Variants in GPC6 observed in about 807,000 individuals in gnomAD.
GPC6 encodes the protein glypican-6.
A neutral mutation model predicts 55.2 loss-of-function variants in GPC6; 14 were observed. The observed-to-expected ratio is 0.25, with a 90% CI of 0.17 to 0.40. The LOEUF (loss-of-function observed/expected upper bound fraction) is 0.40. Among genes scored for constraint, GPC6 ranks in the 10% least tolerant of loss-of-function variants. The pLI is 1.00. For missense variants in GPC6, 641 were observed against 708.5 expected (o/e 0.90, Z 1.08); for synonymous variants, 278 against 259.6 (o/e 1.07, Z -0.68).
chr13:93,831,067 G>GAC (rs1284843555), intron 3 of GPC6: 2 of 157,004 alleles, frequency 1.3e-5, no homozygotes, highest in African/African-American at 4.8e-5. Context: ...GCCCTTTGCT[G>GAC]ACACCTGTAT....
At chr13:94,070,984 G>A (rs1884711614) in intron 4 of GPC6, among the ~76,000 whole-genome samples, 1 of 152,194 alleles carries the variant, frequency 6.6e-6, no homozygotes, top group South Asian at 2.1e-4. Flanking sequence ...CCAGAGTGCT[G>A]TGTTGAGAAG....
chr13:93,727,529 A>G (rs1883686459), intron 2 of GPC6, among the ~76,000 whole-genome samples: 1 of 152,074 alleles, frequency 6.6e-6, no homozygotes, highest in African/African-American at 2.4e-5. Flanking sequence ...AGCCATAGTG[A>G]TCTCTTAAAG....
At chr13:94,360,924 C>T (rs1440556077) in intron 6 of GPC6, among the ~76,000 whole-genome samples, 1 of 152,166 alleles carries the variant, frequency 6.6e-6, no homozygotes, top group Non-Finnish European at 1.5e-5. Context: ...CTCTTCACTG[C>T]CTCAGTGTGT....
chr13:93,426,500 TTC>T (rs1877134293), intron 1 of GPC6, among the ~76,000 whole-genome samples: 1 of 150,118 alleles, frequency 6.7e-6, no homozygotes, highest in African/African-American at 2.4e-5. Context: ...GGTTTTTTTG[TTC>T]TTGCGATAGT....
intron 3 of GPC6, among the ~76,000 whole-genome samples, chr13:93,914,806 G>A (rs939525574): frequency 1.3e-5 from 2 of 152,136 alleles, no homozygotes; most frequent in African/African-American, 4.8e-5. Flanking sequence ...CTGAGAGAAT[G>A]TATGAGATTA....
At chr13:94,015,416 A>G (rs922532076) in intron 3 of GPC6, among the ~76,000 whole-genome samples, 4 of 152,178 alleles carry the variant, frequency 2.6e-5, no homozygotes, top group Non-Finnish European at 5.9e-5. Context: ...TATGCTGGAT[A>G]CTAGACTCTT....
At chr13:94,144,015 A>C (rs1343372293) in intron 4 of GPC6, among the ~76,000 whole-genome samples, 1 of 152,230 alleles carries the variant, frequency 6.6e-6, no homozygotes, top group Non-Finnish European at 1.5e-5. Flanking sequence ...CACTGAAGCG[A>C]AGTTGTTAAA....
chr13:94,309,755 G>A (rs971711871), intron 6 of GPC6, among the ~76,000 whole-genome samples: 1 of 136,358 alleles, frequency 7.3e-6, no homozygotes, highest in Non-Finnish European at 1.6e-5. Context: ...GCCATGATTT[G>A]TTGAGGATAC....
intron 4 of GPC6, among the ~76,000 whole-genome samples, chr13:94,213,139 T>G (rs1002543577): frequency 6.6e-6 from 1 of 152,044 alleles, no homozygotes; most frequent in Non-Finnish European, 1.5e-5. Flanking sequence ...CTGGGTGACA[T>G]AGCAAGACTG....
intron 4 of GPC6, among the ~76,000 whole-genome samples, chr13:94,272,927 CA>C (rs1449227929): frequency 7.9e-4 from 121 of 152,236 alleles, no homozygotes; most frequent in Admixed American, 2.2e-3. Context: ...CCCTGGAACT[CA>C]GTGACCTTCT....
intron 1 of GPC6, among the ~76,000 whole-genome samples, chr13:93,415,507 T>G (rs1020957130): frequency 6.6e-6 from 1 of 152,138 alleles, no homozygotes; most frequent in African/African-American, 2.4e-5. Context: ...TTAATCTTCA[T>G]GCAAATCTAA....
chr13:93,637,891 G>A (rs1384744482), intron 2 of GPC6, among the ~76,000 whole-genome samples: 2 of 152,172 alleles, frequency 1.3e-5, no homozygotes, highest in East Asian at 1.9e-4. Context: ...ATATGTAGCC[G>A]TCATATTAGA....
intron 3 of GPC6, among the ~76,000 whole-genome samples, chr13:93,994,785 A>C (rs185432640): frequency 2.0e-5 from 3 of 152,290 alleles, no homozygotes; most frequent in Admixed American, 2.0e-4. Flanking sequence ...TTTTGGTACA[A>C]TATCCAGTAC....
intron 1 of GPC6, among the ~76,000 whole-genome samples, chr13:93,479,276 C>G (rs1362799823): frequency 6.6e-6 from 1 of 152,064 alleles, no homozygotes; most frequent in Non-Finnish European, 1.5e-5. Context: ...ATTTGAAGGG[C>G]AAGCTCGATT....
At chr13:94,162,466 G>A (rs9805557) in intron 4 of GPC6, among the ~76,000 whole-genome samples, 7 of 152,076 alleles carry the variant, frequency 4.6e-5, no homozygotes, top group East Asian at 1.9e-4. Flanking sequence ...ATGGGACTGC[G>A]CCCAGCCCTG....
At chr13:94,079,512 T>C (rs535048653) in intron 4 of GPC6, among the ~76,000 whole-genome samples, 1 of 152,282 alleles carries the variant, frequency 6.6e-6, no homozygotes, top group South Asian at 2.1e-4. Flanking sequence ...CTGCAGATGA[T>C]GTATTTGAGT....
intron 1 of GPC6, among the ~76,000 whole-genome samples, chr13:93,249,656 A>C (rs905094870): frequency 6.6e-6 from 1 of 152,248 alleles, no homozygotes; most frequent in Non-Finnish European, 1.5e-5. Context: ...ACTTTGGTCC[A>C]AGCAGCGCCT....
intron 1 of GPC6, among the ~76,000 whole-genome samples, chr13:93,456,763 C>T (rs1443263608): frequency 6.6e-6 from 1 of 152,068 alleles, no homozygotes; most frequent in Non-Finnish European, 1.5e-5. Context: ...TCTGTTTTAG[C>T]ATCTTGTAGC....
At chr13:93,442,538 A>G (rs1316487760) in intron 1 of GPC6, among the ~76,000 whole-genome samples, 1 of 152,208 alleles carries the variant, frequency 6.6e-6, no homozygotes. Flanking sequence ...ATAAATTCTA[A>G]GGAAGCATGA....
Sources: allele counts gnomAD v4.1 joint callset (sites outside exome capture counted in the v4.1 genomes callset), GRCh38; gene constraint gnomAD v4.1.1; transcripts MANE v1.5; gene names NCBI Gene and HGNC (gene_info 2026-07-23, HGNC 2026-07-21).